Variants in PRMT3 observed in about 807,000 individuals in gnomAD.
PRMT3 encodes the protein protein arginine N-methyltransferase 3.
In PRMT3, 62 loss-of-function variants were observed where a neutral mutation model predicts 71.9. The ratio of observed to expected loss-of-function variants is 0.86; its 90% CI spans 0.70 to 1.07. The LOEUF (loss-of-function observed/expected upper bound fraction) is 1.07. Among genes scored for constraint, PRMT3 ranks in the 50% least tolerant of loss-of-function variants. The probability of loss-of-function intolerance (pLI) is 0.00; values close to 1 mark genes in which losing one functional copy is unlikely to be tolerated. For synonymous variants in PRMT3, 213 were observed against 220.4 expected, an observed-to-expected ratio of 0.97 and a Z score of 0.30; for missense variants, 663 against 643.0, an observed-to-expected ratio of 1.03 and a Z score of -0.34.
intron 11 of PRMT3, among the ~76,000 whole-genome samples, chr11:20,455,891 T>C (rs1850257846): frequency 6.6e-6 from 1 of 151,476 alleles, no homozygotes; most frequent in Non-Finnish European, 1.5e-5. Flanking sequence ...AATTGTACAC[T>C]GTGAATTTCA....
intron 7 of PRMT3, among the ~76,000 whole-genome samples, chr11:20,399,542 G>A (rs1345160771): frequency 2.0e-5 from 3 of 151,948 alleles, no homozygotes; most frequent in Non-Finnish European, 4.4e-5. Flanking sequence ...TATGTTTAGA[G>A]TATTTTCTTT....
chr11:20,419,476 TTGA>T (rs1849379326), intron 9 of PRMT3, among the ~76,000 whole-genome samples: 1 of 152,246 alleles, frequency 6.6e-6, no homozygotes, highest in Admixed American at 6.5e-5. Context: ...TTGTCATATC[TTGA>T]TGATCTGAAA....
chr11:20,473,170 C>CA (rs914210266), intron 13 of PRMT3, among the ~76,000 whole-genome samples: 8 of 151,580 alleles, frequency 5.3e-5, no homozygotes, highest in Non-Finnish European at 8.8e-5. Context: ...TTAATTTTTT[C>CA]AAAAAAACAG....
At chr11:20,499,577 TGATTGCATTAC>T (rs1565240842) in intron 15 of PRMT3, among the ~76,000 whole-genome samples, 3 of 152,140 alleles carry the variant, frequency 2.0e-5, no homozygotes, top group Non-Finnish European at 4.4e-5. Context: ...TGGTGAGCTA[TGATTGCATTAC>T]TATACTTCAG....
At chr11:20,454,078 CAT>C (rs1436648523) in intron 11 of PRMT3, among the ~76,000 whole-genome samples, 1 of 152,136 alleles carries the variant, frequency 6.6e-6, no homozygotes. Flanking sequence ...TGTTACTAGA[CAT>C]AATCCTCACA....
At chr11:20,395,778 T>C in intron 5 of PRMT3, 25 bp from the exon 6 acceptor site, 1 of 1,600,974 alleles carries the variant, frequency 6.2e-7, no homozygotes, top group Non-Finnish European at 8.5e-7. Context: ...GATGGCCTGA[T>C]AATAATGTCC....
chr11:20,439,619 G>T (rs1459723461), intron 10 of PRMT3, among the ~76,000 whole-genome samples: 1 of 152,152 alleles, frequency 6.6e-6, no homozygotes, highest in Non-Finnish European at 1.5e-5. Flanking sequence ...ATTGGGGGAG[G>T]TGTCCATTTT....
intron 11 of PRMT3, among the ~76,000 whole-genome samples, chr11:20,461,076 C>T (rs1850371883): frequency 1.3e-5 from 2 of 152,042 alleles, no homozygotes; most frequent in Admixed American, 6.6e-5. Flanking sequence ...GAATTAAGTC[C>T]AGTTTACTAA....
At chr11:20,404,266 G>A (rs1301699179) in intron 8 of PRMT3, among the ~76,000 whole-genome samples, 1 of 92,654 alleles carries the variant, frequency 1.1e-5, no homozygotes, top group Non-Finnish European at 1.9e-5. Flanking sequence ...ACAGAGTCTC[G>A]CTTTGTCGCC....
At chr11:20,487,188 C>T (rs1304087012) in intron 13 of PRMT3, among the ~76,000 whole-genome samples, 1 of 152,098 alleles carries the variant, frequency 6.6e-6, no homozygotes, top group Non-Finnish European at 1.5e-5. Context: ...AGGCAAACAG[C>T]AAATGATCCC....
At chr11:20,456,896 T>C (rs1322466305) in intron 11 of PRMT3, among the ~76,000 whole-genome samples, 1 of 152,130 alleles carries the variant, frequency 6.6e-6, no homozygotes, top group African/African-American at 2.4e-5. Context: ...TATTTTTTAA[T>C]GGAGTCTGTC....
At chr11:20,396,838 G>A (rs1848837150) in intron 6 of PRMT3, among the ~76,000 whole-genome samples, 1 of 152,206 alleles carries the variant, frequency 6.6e-6, no homozygotes, top group Non-Finnish European at 1.5e-5. Flanking sequence ...AATAGGGCCT[G>A]AGATTCTGCA....
chr11:20,387,845 A>T lies in PRMT3; in HGVS notation c.28+71A>T. On this transcript the variant is annotated intron_variant, in intron 1 of 15. Coordinates refer to ENST00000331079, the MANE Select transcript of PRMT3 (RefSeq NM_005788.4). This position sits in a 1 kb window ranked among gnomAD's most constrained non-coding sequence, Gnocchi z 4.3. ...CGCGCCGCTGTGGGGCCGGTGGAAGACCCTCCGGGACACGGGCCCGGGCAG... is the reference window on the plus strand; with the variant it reads ...CGCGCCGCTGTGGGGCCGGTGGAAGTCCCTCCGGGACACGGGCCCGGGCAG... The T allele has an allele frequency of 6.5e-7, 1 of 1,534,894 alleles. No individual in the cohort carries two copies. The highest frequency in any genetic ancestry group is 8.8e-7 in the Non-Finnish European group (1 of 1,141,618).
At chr11:20,461,449 C>T (rs1413246850) in intron 11 of PRMT3, among the ~76,000 whole-genome samples, 1 of 152,160 alleles carries the variant, frequency 6.6e-6, no homozygotes, top group African/African-American at 2.4e-5. Context: ...TGATATGTGT[C>T]CATAGTCTGT....
intron 13 of PRMT3, among the ~76,000 whole-genome samples, chr11:20,479,309 A>G (rs891497238): frequency 6.6e-6 from 1 of 152,176 alleles, no homozygotes; most frequent in African/African-American, 2.4e-5. Flanking sequence ...CTAGGAGCTG[A>G]GAGGTATTGG....
At chr11:20,502,447 A>G (rs7937901) in intron 15 of PRMT3, among the ~76,000 whole-genome samples, 124,819 of 152,200 alleles carry the variant, frequency 0.82, 53,055 homozygotes, top group Non-Finnish European at 0.95. Context: ...ATTTTAAGAA[A>G]TGAAAATCAT....
intron 10 of PRMT3, among the ~76,000 whole-genome samples, chr11:20,436,334 A>T (rs1280605008): frequency 6.6e-6 from 1 of 152,172 alleles, no homozygotes; most frequent in Non-Finnish European, 1.5e-5. Context: ...GTTGAATAAA[A>T]GTGGTGAAAG....
At chr11:20,444,934 G>A (rs1849990091) in intron 10 of PRMT3, among the ~76,000 whole-genome samples, 1 of 151,956 alleles carries the variant, frequency 6.6e-6, no homozygotes, top group Non-Finnish European at 1.5e-5. Flanking sequence ...TACACATTAG[G>A]TTATTATGTG....
chr11:20,505,647 T>A (rs1851572220), intron 15 of PRMT3, among the ~76,000 whole-genome samples: 1 of 152,216 alleles, frequency 6.6e-6, no homozygotes, highest in African/African-American at 2.4e-5. Context: ...TAGAAGTTTT[T>A]AAATGTTGAT....
Sources: allele counts gnomAD v4.1 joint callset (sites outside exome capture counted in the v4.1 genomes callset), GRCh38; gene constraint gnomAD v4.1.1; non-coding constraint Gnocchi (gnomAD v3.1); transcripts MANE v1.5; gene names NCBI Gene and HGNC (gene_info 2026-07-23, HGNC 2026-07-21).